Variants in RHD observed in about 807,000 individuals in gnomAD.
The protein encoded by RHD is Rh blood group D antigen, also known as blood group Rh(D) polypeptide.
Under a neutral mutation model 45.5 loss-of-function variants are expected in RHD, and 16 were observed. The observed-to-expected ratio is 0.35, with a 90% CI of 0.24 to 0.53. RHD has a LOEUF of 0.53. Among genes scored for constraint, RHD ranks in the 20% least tolerant of loss-of-function variants. RHD has a pLI of 0.92. For missense variants in RHD, 306 were observed against 532.0 expected, an observed-to-expected ratio of 0.58 and a Z score of 4.18; for synonymous variants, 131 against 217.5, an observed-to-expected ratio of 0.60 and a Z score of 3.50.
rs868619719 is a variant in RHD at position 25,283,581 on chromosome 1, G to A, written c.149-992G>A. Among the ~76,000 whole-genome samples the A allele has an allele frequency of 9.1e-5, 12 of 132,236 alleles. 1 individual carries two copies. Among genetic ancestry groups the A allele is most frequent in the African/African-American group, 2.1e-4 (8 of 37,992 alleles). 86.8% of individuals were successfully genotyped at this position (132,236 alleles called of 152,430 possible). ...TACCCACCGGGGCAAGTTACGTAACGCCTCTGTGCCTTGGTTTTCATATCT... is the reference window on the plus strand; with the variant it reads ...TACCCACCGGGGCAAGTTACGTAACACCTCTGTGCCTTGGTTTTCATATCT... On this transcript the variant is annotated intron_variant, in intron 1 of 9. Transcript: ENST00000328664.
At chr1:25,279,020 T>C (rs1264499055) in intron 1 of RHD, among the ~76,000 whole-genome samples, 1 of 129,930 alleles carries the variant, frequency 7.7e-6, no homozygotes, top group Non-Finnish European at 1.8e-5. Context: ...CTGAAGTTTC[T>C]GCAGGCCAGA....
In RHD at chr1:25,290,666, T is replaced by A. The variant is rs41267489; in HGVS notation, c.361T>A (p.Leu121Met). 49 of 1,378,186 alleles carry A rather than the reference T, an allele frequency of 3.6e-5. 5 individuals carry two copies. The highest frequency in any genetic ancestry group is 1.8e-4 in the Middle Eastern group (1 of 5,492). 85.4% of individuals were successfully genotyped at this position (1,378,186 alleles called of 1,614,324 possible). Reference protein sequence around the residue: ...FSIRLATMSALSVLISVDAVL... With the variant: ...FSIRLATMSAMSVLISVDAVL... ...TATTCGGCTGGCCACCATGAGTGCTTTGTCGGTGCTGATCTCAGTGGATGC... is the reference window on the plus strand; with the variant it reads ...TATTCGGCTGGCCACCATGAGTGCTATGTCGGTGCTGATCTCAGTGGATGC... The change falls in exon 3 of 10, where the codon TTG becomes ATG. Residue 121 changes from leucine to methionine, a missense_variant. Leu to Met is a conservative substitution (Grantham distance 15, BLOSUM62 2). Transcript: ENST00000328664.
At chr1:25,272,503 TGA>T, upstream of RHD, 1 of 1,548,498 alleles carries the variant, frequency 6.5e-7, no homozygotes, top group Non-Finnish European at 8.8e-7. Flanking sequence ...GAGAGAGGGG[TGA>T]TGCCTGGTGC....
chr1:25,302,906 G>A lies in RHD; in HGVS notation c.802-416G>A, dbSNP rs1319641311. Among the ~76,000 whole-genome samples the A allele has an allele frequency of 8.4e-5, 11 of 130,908 alleles. No individual in the cohort carries two copies. The East Asian group carries it at 1.8e-3, about 21-fold the overall frequency. The allele number at this position is 130,908 out of a possible 152,430, so 85.9% of individuals were successfully genotyped here. A position where few individuals can be genotyped will look rare whatever the true frequency, so the allele number is the denominator to read the frequency against. On this transcript the variant is annotated intron_variant, in intron 5 of 9. Transcript: ENST00000328664. ...CACCTGTAATCCCAATATTTTGGGA[G>A]GCTGAGGCAAGAGGATTGGTTGAGG...
At chr1:25,283,233 G>T (rs113500149) in intron 1 of RHD, among the ~76,000 whole-genome samples, 2,375 of 131,596 alleles carry the variant, frequency 0.018, 602 homozygotes, top group Non-Finnish European at 0.028. Context: ...TTATCTAGGT[G>T]TAAATCTTGG....
intron 2 of RHD, among the ~76,000 whole-genome samples, chr1:25,286,476 G>A (rs1642001447): frequency 7.4e-6 from 1 of 135,084 alleles, no homozygotes; most frequent in African/African-American, 2.6e-5. Flanking sequence ...ACAACAGAGT[G>A]AGACCCTGTC....
At position 25,321,542 on chromosome 1, in the gene RHD, C is replaced by T. The variant is rs572544850; in HGVS notation, c.1154-347C>T. Among the ~76,000 whole-genome samples the T allele has an allele frequency of 2.5e-5, 3 of 120,560 alleles. 1 individual carries two copies. The highest frequency in any genetic ancestry group is 8.3e-5 in the African/African-American group (3 of 36,114). The allele number at this position is 120,560 out of a possible 152,430, so 79.1% of individuals were successfully genotyped here. On this transcript the variant is annotated intron_variant, in intron 8 of 9. Transcript: ENST00000328664. The stretch of plus-strand genomic sequence containing the variant: ...AAAATTAGCTGGATGTGGTGGCAGG[C>T]GCCTATAATCTCAGCTACTTGGGAG...
rs1216660553 is a variant in RHD, at chr1:25,309,177, A to AT, written c.1073+2450dup. On this transcript the variant is annotated intron_variant, in intron 7 of 9. Coordinates refer to ENST00000328664, the MANE Select transcript of RHD (RefSeq NM_016124.6). ...TTTCCTATTCAGATGAGCATATGTG[A>AT]TTGAGTCAGATGCTGTGATCAGAAC... 3.8e-5 allele frequency among the ~76,000 whole-genome samples: 5 copies of AT among 132,166 alleles called. 2 individuals are homozygous for AT. Among genetic ancestry groups the AT allele is most frequent in the Non-Finnish European group, 8.9e-5 (5 of 56,062 alleles). The allele number at this position is 132,166 out of a possible 152,430, so 86.7% of individuals were successfully genotyped here. A position where few individuals can be genotyped will look rare whatever the true frequency, so the allele number is the denominator to read the frequency against.
In RHD at chr1:25,294,327, C is replaced by T. The variant is rs569897769; in HGVS notation, c.486+3536C>T. The T allele has an allele frequency of 7.2e-5, 83 of 1,150,970 alleles. 16 individuals are homozygous for T. In the South Asian group the frequency reaches 7.9e-4, roughly 11 times the overall value. 71.3% of individuals were successfully genotyped at this position (1,150,970 alleles called of 1,614,324 possible). On this transcript the variant is annotated intron_variant, in intron 3 of 9. Transcript: ENST00000328664. ...ATAATCAGTAACAACTTGTCCAAGG[C>T]CCCAGTGACCATGAAGAGTGAGGGC... is the stretch of plus-strand genomic sequence containing the variant.
intron 1 of RHD, among the ~76,000 whole-genome samples, chr1:25,283,040 C>T (rs527404583): frequency 5.3e-5 from 7 of 132,844 alleles, no homozygotes; most frequent in Admixed American, 1.5e-4. Flanking sequence ...TATTCATGTG[C>T]GAAAACAGTT....
chr1:25,307,855 G>C (rs1395297280), intron 7 of RHD: 2 of 1,292,214 alleles, frequency 1.5e-6, no homozygotes, highest in Admixed American at 2.1e-5. Context: ...GGGATGAGCT[G>C]TGTGAAGCAA....
chr1:25,291,736 T>C lies in RHD; in HGVS notation c.486+945T>C, dbSNP rs34956520. On this transcript the variant is annotated intron_variant, in intron 3 of 9. Coordinates refer to ENST00000328664, the MANE Select transcript of RHD (RefSeq NM_016124.6). ...CAGTCAGTGCGTGTCAGTAACTGCA[T>C]ATGTCCTCTCATTGGGAGAGCCTGT... Among the ~76,000 whole-genome samples the C allele has an allele frequency of 1.8e-4, 24 of 132,846 alleles. 3 individuals are homozygous for C. Among genetic ancestry groups the C allele is most frequent in the East Asian group, 1.2e-3 (6 of 5,122 alleles). 87.2% of individuals were successfully genotyped at this position (132,846 alleles called of 152,430 possible). A position where few individuals can be genotyped will look rare whatever the true frequency, so the allele number is the denominator to read the frequency against.
rs1376301511 is a variant in RHD at position 25,300,886 on chromosome 1, C to T, written c.487-60C>T. 5.9e-6 allele frequency: 8 copies of T among 1,358,246 alleles called. 2 individuals are homozygous for T. The highest frequency in any genetic ancestry group is 8.3e-6 in the Non-Finnish European group (8 of 964,928). The allele number at this position is 1,358,246 out of a possible 1,614,324, so 84.1% of individuals were successfully genotyped here. On this transcript the variant is annotated intron_variant, in intron 3 of 9. Coordinates refer to ENST00000328664, the MANE Select transcript of RHD (RefSeq NM_016124.6). ...GCTCTGAACTTTCTCCAAGGACTAT[C>T]AGGGCTTGCCCCGGGCAGAGGATGC...
chr1:25,297,150 C>T (rs1345330931), intron 3 of RHD, among the ~76,000 whole-genome samples: 2 of 102,142 alleles, frequency 2.0e-5, no homozygotes, highest in Non-Finnish European at 4.7e-5. Context: ...GCAGTTTCTT[C>T]ATCTTTCTTT....
chr1:25,305,686 C>T lies in RHD; in HGVS notation c.940-910C>T, dbSNP rs1196130276. On this transcript the variant is annotated intron_variant, in intron 6 of 9. Transcript: ENST00000328664. The stretch of plus-strand genomic sequence containing the variant: ...CGCCATCTCAGCTTACTGCAAGCTC[C>T]GCCTCCCGGGTTCACACCATTCTCC... Among the ~76,000 whole-genome samples, 9 of 129,636 alleles carry T rather than the reference C, an allele frequency of 6.9e-5. 1 individual carries two copies. The highest frequency in any genetic ancestry group is 3.0e-4 in the Admixed American group (4 of 13,200). The allele number at this position is 129,636 out of a possible 152,430, so 85.0% of individuals were successfully genotyped here. A position where few individuals can be genotyped will look rare whatever the true frequency, so the allele number is the denominator to read the frequency against.
Position 25,290,533 on chromosome 1 carries a change from T to A in RHD, c.336-108T>A. The stretch of plus-strand genomic sequence containing the variant: ...GTCTTCTATTCCCACAGAAAGTAGG[T>A]GCCCAACAGTGTTTGTTGAAAGAAT... On this transcript the variant is annotated intron_variant, in intron 2 of 9. Transcript: ENST00000328664. 13 of 984,048 alleles carry A rather than the reference T, an allele frequency of 1.3e-5. 3 individuals carry two copies. The highest frequency in any genetic ancestry group is 2.1e-5 in the Non-Finnish European group (13 of 631,028). 61.0% of individuals were successfully genotyped at this position (984,048 alleles called of 1,614,324 possible).
intron 2 of RHD, among the ~76,000 whole-genome samples, chr1:25,290,374 G>A (rs959988254): frequency 9.3e-6 from 1 of 107,974 alleles, no homozygotes; most frequent in East Asian, 2.2e-4. Flanking sequence ...ATGCCTCATA[G>A]ATGAAGGCAC....
rs1225444951 is a variant in RHD, at chr1:25,301,386, C to A, written c.635-134C>A. ...TCAGCTTGAGAGCTCGGAGGGGAGA[C>A]GTGACTTCCCCATCTAACTCTAAGT... On this transcript the variant is annotated intron_variant, in intron 4 of 9. Transcript: ENST00000328664. 1.2e-4 allele frequency: 106 copies of A among 876,458 alleles called. 21 individuals carry two copies. The highest frequency in any genetic ancestry group is 2.3e-4 in the Admixed American group (11 of 48,770). 54.3% of individuals were successfully genotyped at this position (876,458 alleles called of 1,614,324 possible).
intron 2 of RHD, among the ~76,000 whole-genome samples, chr1:25,287,146 TAC>T (rs905945870): frequency 1.5e-5 from 2 of 134,824 alleles, no homozygotes; most frequent in African/African-American, 5.1e-5. Flanking sequence ...CAGAATTCAA[TAC>T]ACACACGCAC....
Sources: allele counts gnomAD v4.1 joint callset (sites outside exome capture counted in the v4.1 genomes callset), GRCh38; gene constraint gnomAD v4.1.1; transcripts MANE v1.5; gene names NCBI Gene and HGNC (gene_info 2026-07-23, HGNC 2026-07-21).